EIF2S3: variants seen among roughly 807,000 people sequenced by gnomAD.
EIF2S3 encodes the protein eukaryotic translation initiation factor 2 subunit gamma, also known as eukaryotic translation initiation factor 2 subunit 3.
Under a neutral mutation model 31.7 loss-of-function variants are expected in EIF2S3, and 2 were observed. That is an observed-to-expected ratio of 0.06 (90% CI 0.03 to 0.20). The LOEUF (loss-of-function observed/expected upper bound fraction) is 0.20. Ranked by LOEUF, EIF2S3 falls within the 10% of genes least tolerant of loss-of-function variation. The probability of loss-of-function intolerance (pLI) is 1.00; values close to 1 mark genes in which losing one functional copy is unlikely to be tolerated. For synonymous variants in EIF2S3, 120 were observed against 126.7 expected (o/e 0.95, Z 0.36); for missense variants, 96 against 359.3 (o/e 0.27, Z 5.92).
chrX:24,055,270 C>T (rs1184089780), intron 1 of EIF2S3, among the ~76,000 whole-genome samples: 5 of 111,735 alleles, frequency 4.5e-5, no homozygotes, highest in African/African-American at 1.6e-4. Context: ...GAGGGTTCGG[C>T]TGGAAAGTCT....
intron 8 of EIF2S3, 29 bp downstream of exon 8, chrX:24,066,121 T>TG (rs781781522): frequency 1.6e-5 from 16 of 970,033 alleles, no homozygotes; most frequent in East Asian, 3.2e-5. Context: ...GTTGTGATTT[T>TG]GGGTTTTTTT....
chrX:24,059,714 C>T (rs977372766), intron 4 of EIF2S3, among the ~76,000 whole-genome samples: 24 of 112,112 alleles, frequency 2.1e-4, no homozygotes, highest in African/African-American at 4.9e-4. Context: ...TGAGCCATTG[C>T]GCCCAGCCAG....
At chrX:24,063,820 CTG>C (rs1930530087) in intron 6 of EIF2S3, among the ~76,000 whole-genome samples, 1 of 111,438 alleles carries the variant, frequency 9.0e-6, no homozygotes, top group Admixed American at 9.6e-5. Context: ...TTAGCAGAGT[CTG>C]TAATTTTATC....
intron 2 of EIF2S3, among the ~76,000 whole-genome samples, chrX:24,056,084 AGAG>A (rs1930399456): frequency 8.9e-6 from 1 of 112,075 alleles, no homozygotes; most frequent in Non-Finnish European, 1.9e-5. Flanking sequence ...CTAGAACTTT[AGAG>A]GAGAAGTTAC....
Position 24,061,021 on chromosome X carries a change from C to T in EIF2S3, c.478+839C>T, listed in dbSNP as rs1207896935. 7.7e-5 allele frequency among the ~76,000 whole-genome samples: 8 copies of T among 103,336 alleles called. No homozygotes were observed. In the South Asian group the frequency reaches 3.1e-3, roughly 40 times the overall value. 89.7% of individuals were successfully genotyped at this position (103,336 alleles called of 115,157 possible). A position where few individuals can be genotyped will look rare whatever the true frequency, so the allele number is the denominator to read the frequency against. ...CTGTAATCCCAGCACTTTGGGAGGC[C>T]GAGGCAGGCGGATCACTTGAGGTCA... On this transcript the variant is annotated intron_variant, in intron 5 of 11. Coordinates refer to ENST00000253039, the MANE Select transcript of EIF2S3 (RefSeq NM_001415.4).
chrX:24,070,439 GTTTTTTTTTT>G lies in EIF2S3; in HGVS notation c.1013-1105_1013-1096del, dbSNP rs768908773. ...AAGTAGATCCCAGGAATCATATGTA[GTTTTTTTTTT>G]TTTTTTTTTTTTTGAGAGTCTCACT... On this transcript the variant is annotated intron_variant, in intron 9 of 11. Coordinates refer to ENST00000253039, the MANE Select transcript of EIF2S3 (RefSeq NM_001415.4). Among the ~76,000 whole-genome samples, 9 of 50,979 alleles carry G rather than the reference GTTTTTTTTTT, an allele frequency of 1.8e-4. No homozygotes were observed. In the South Asian group the frequency reaches 4.8e-3, roughly 27 times the overall value. 44.3% of individuals were successfully genotyped at this position (50,979 alleles called of 115,157 possible).
At chrX:24,061,405 G>A (rs1323232874) in intron 5 of EIF2S3, among the ~76,000 whole-genome samples, 4 of 107,076 alleles carry the variant, frequency 3.7e-5, no homozygotes, top group Non-Finnish European at 5.8e-5. Context: ...TTAAAAATAC[G>A]AAAATTAGCC....
intron 4 of EIF2S3, among the ~76,000 whole-genome samples, chrX:24,059,638 G>T (rs891764338): frequency 7.2e-5 from 8 of 111,371 alleles, no homozygotes; most frequent in Non-Finnish European, 1.5e-4. Flanking sequence ...GGTCAGGCTG[G>T]TCTCAAACTC....
At chrX:24,071,779 G>A (rs1195604856) in intron 10 of EIF2S3, 52 bp downstream of exon 10, 1 of 1,108,672 alleles carries the variant, frequency 9.0e-7, no homozygotes, top group Non-Finnish European at 1.2e-6. Context: ...AAATGGGAGT[G>A]TTAAACCAGT....
intron 6 of EIF2S3, among the ~76,000 whole-genome samples, chrX:24,063,505 C>T (rs939819587): frequency 9.0e-6 from 1 of 111,352 alleles, no homozygotes; most frequent in Non-Finnish European, 1.9e-5. Context: ...TATGGTTGGG[C>T]GTGGTAGCTC....
At chrX:24,060,031 C>G in intron 4 of EIF2S3, 57 bp from the exon 5 acceptor site, 1 of 908,903 alleles carries the variant, frequency 1.1e-6, no homozygotes, top group Non-Finnish European at 1.6e-6. Flanking sequence ...AAATCTAAAA[C>G]TAGCATGTGT....
At chrX:24,057,593 G>T in intron 3 of EIF2S3, 40 bp from the exon 4 acceptor site, 1 of 1,208,968 alleles carries the variant, frequency 8.3e-7, no homozygotes, top group Non-Finnish European at 1.1e-6. Context: ...TAATTGTTGT[G>T]CAGATAACAA....
intron 6 of EIF2S3, among the ~76,000 whole-genome samples, chrX:24,062,942 T>A (rs1331804077): frequency 8.9e-6 from 1 of 112,010 alleles, no homozygotes. Flanking sequence ...TGACAGTGAT[T>A]ATTTAATCTC....
chrX:24,071,220 T>C (rs1930665285), intron 9 of EIF2S3, among the ~76,000 whole-genome samples: 1 of 108,125 alleles, frequency 9.2e-6, no homozygotes, highest in Admixed American at 1.0e-4. Context: ...AGACAGAGTC[T>C]CACTCTGTCA....
At chrX:24,056,786 G>A (rs1401472273) in intron 2 of EIF2S3, among the ~76,000 whole-genome samples, 1 of 111,827 alleles carries the variant, frequency 8.9e-6, no homozygotes, top group East Asian at 2.8e-4. Context: ...TCAAGCCCAG[G>A]TGGTTGAGGT....
chrX:24,075,608 A>G (rs1930742101), intron 11 of EIF2S3, among the ~76,000 whole-genome samples: 2 of 111,435 alleles, frequency 1.8e-5, no homozygotes, highest in African/African-American at 6.5e-5. Flanking sequence ...TTTTCTAGAA[A>G]CCTGCTTCAA....
At chrX:24,055,327 G>T (rs892559247) in intron 1 of EIF2S3, among the ~76,000 whole-genome samples, 1 of 111,723 alleles carries the variant, frequency 9.0e-6, no homozygotes, top group African/African-American at 3.3e-5. Context: ...TGGGAAGGGG[G>T]TGTCCTGTCT....
chrX:24,071,800 A>G (rs966960545), intron 10 of EIF2S3, 73 bp downstream of exon 10: 1 of 1,046,892 alleles, frequency 9.6e-7, no homozygotes, highest in South Asian at 2.2e-5. Context: ...GTTGAGTTTT[A>G]TTGTTTTACA....
intron 5 of EIF2S3, among the ~76,000 whole-genome samples, chrX:24,060,948 C>CAAAAAAA (rs35873085): frequency 8.2e-5 from 2 of 24,312 alleles, no homozygotes; most frequent in African/African-American, 1.9e-4. Flanking sequence ...AACTACATCT[C>CAAAAAAA]AAAAAAAAAA....
Sources: allele counts gnomAD v4.1 joint callset (sites outside exome capture counted in the v4.1 genomes callset), GRCh38; gene constraint gnomAD v4.1.1; transcripts MANE v1.5; gene names NCBI Gene and HGNC (gene_info 2026-07-23, HGNC 2026-07-21).